The following LIFR variants were observed in gnomAD, a reference collection of about 807,000 sequenced individuals.
LIFR encodes leukemia inhibitory factor receptor.
Under a neutral mutation model 122.2 loss-of-function variants are expected in LIFR, and 84 were observed. That is an observed-to-expected ratio of 0.69 (90% CI 0.58 to 0.82). The LOEUF is 0.82. Ranked by LOEUF, LIFR falls within the 40% of genes least tolerant of loss-of-function variation. The probability of loss-of-function intolerance (pLI) is 0.00; values close to 1 mark genes in which losing one functional copy is unlikely to be tolerated. For synonymous variants in LIFR, 422 were observed against 434.7 expected (o/e 0.97, Z 0.36); for missense variants, 1,294 against 1,311.6 (o/e 0.99, Z 0.21).
intron 1 of LIFR, among the ~76,000 whole-genome samples, chr5:38,592,729 C>G (rs1463027070): frequency 6.7e-6 from 1 of 149,962 alleles, no homozygotes; most frequent in Non-Finnish European, 1.5e-5. Context: ...TTAGAAAAAA[C>G]TAATAGTTTA....
intron 1 of LIFR, among the ~76,000 whole-genome samples, chr5:38,538,542 T>C (rs542448618): frequency 3.7e-4 from 56 of 152,330 alleles, no homozygotes; most frequent in Middle Eastern, 3.4e-3. Flanking sequence ...CCTGCTCTCT[T>C]GTAGCCCCGT....
At chr5:38,603,469 G>T (rs909069887) in intron 2 of LIFR, among the ~76,000 whole-genome samples, 1 of 152,224 alleles carries the variant, frequency 6.6e-6, no homozygotes, top group African/African-American at 2.4e-5. Flanking sequence ...GCTCAGAGAA[G>T]TCTTTCAGCA....
chr5:38,528,545 A>G, intron 3 of LIFR, 181 bp downstream of exon 3: 1 of 637,010 alleles, frequency 1.6e-6, no homozygotes, highest in Non-Finnish European at 2.9e-6. Flanking sequence ...CCTTGCCATC[A>G]CACCTCATAA....
chr5:38,497,074 G>A (rs926232722), intron 12 of LIFR, among the ~76,000 whole-genome samples: 5 of 152,142 alleles, frequency 3.3e-5, no homozygotes, highest in Non-Finnish European at 7.3e-5. Flanking sequence ...GAGGCAGGCG[G>A]ATCATGAGGT....
intron 1 of LIFR, among the ~76,000 whole-genome samples, chr5:38,575,255 T>C (rs530910108): frequency 1.3e-5 from 2 of 152,318 alleles, no homozygotes; most frequent in South Asian, 4.1e-4. Context: ...AAGTCAGGAA[T>C]GGCAGCTACT....
At chr5:38,545,562 TA>T (rs1747835716) in intron 1 of LIFR, among the ~76,000 whole-genome samples, 1 of 151,836 alleles carries the variant, frequency 6.6e-6, no homozygotes, top group Non-Finnish European at 1.5e-5. Flanking sequence ...TACTTATGTT[TA>T]AAAAAATAAC....
At chr5:38,504,415 CAAAA>C (rs71604899) in intron 9 of LIFR, among the ~76,000 whole-genome samples, 1 of 120,484 alleles carries the variant, frequency 8.3e-6, no homozygotes, top group Non-Finnish European at 1.7e-5. Context: ...AGGGAATGAC[CAAAA>C]AAAAAAAAGA....
rs941178577 is a variant in LIFR at position 38,527,310 on chromosome 5, G to C, written c.258-16C>G. 30 of 1,500,506 alleles carry C rather than the reference G, an allele frequency of 2.0e-5. No individual in the cohort carries two copies. Among genetic ancestry groups the C allele is most frequent in the Non-Finnish European group, 2.6e-5 (28 of 1,081,442 alleles). The allele number at this position is 1,500,506 out of a possible 1,614,324, so 92.9% of individuals were successfully genotyped here. A position where few individuals can be genotyped will look rare whatever the true frequency, so the allele number is the denominator to read the frequency against. Reference sequence around the variant, plus strand: ...AGAACGGGACCTGTAATAAGAAATTGAATTTTAATTAGCAAATAAAATTAA... The same window carrying C: ...AGAACGGGACCTGTAATAAGAAATTCAATTTTAATTAGCAAATAAAATTAA... On this transcript the variant is annotated splice_polypyrimidine_tract_variant and intron_variant, in intron 3 of 19. Transcript: ENST00000453190.
At chr5:38,553,487 G>A (rs1404114018) in intron 1 of LIFR, among the ~76,000 whole-genome samples, 1 of 150,972 alleles carries the variant, frequency 6.6e-6, no homozygotes, top group Non-Finnish European at 1.5e-5. Flanking sequence ...AAAGTTGTCT[G>A]GAATATTAAC....
chr5:38,506,761 T>A, intron 7 of LIFR, 129 bp from the exon 8 acceptor site: 2 of 770,196 alleles, frequency 2.6e-6, no homozygotes, highest in Non-Finnish European at 4.3e-6. Flanking sequence ...ATTTTACTTT[T>A]GAATAATGCA....
At chr5:38,565,656 C>G (rs539713894) in intron 1 of LIFR, among the ~76,000 whole-genome samples, 1 of 150,520 alleles carries the variant, frequency 6.6e-6, no homozygotes, top group South Asian at 2.1e-4. Flanking sequence ...GGCGCAGTCT[C>G]GGCTCACTGC....
chr5:38,606,792 C>T (rs1280343897), intron 1 of LIFR, among the ~76,000 whole-genome samples: 1 of 152,044 alleles, frequency 6.6e-6, no homozygotes, highest in Non-Finnish European at 1.5e-5. Flanking sequence ...AGGACACTTT[C>T]TTTTTTTTCC....
At chr5:38,527,103 A>C (rs1412236037) in intron 4 of LIFR, 52 bp downstream of exon 4, 2 of 1,500,954 alleles carry the variant, frequency 1.3e-6, no homozygotes, top group Admixed American at 4.0e-5. Flanking sequence ...CCACAATACT[A>C]ACAAGTGACA....
At chr5:38,588,652 G>T (rs943056752) in intron 1 of LIFR, among the ~76,000 whole-genome samples, 6 of 152,106 alleles carry the variant, frequency 3.9e-5, no homozygotes, top group Admixed American at 6.5e-5. Flanking sequence ...AGGTATATTT[G>T]CTTAGGTCTT....
At chr5:38,510,849 G>A (rs779652509) in intron 6 of LIFR, 131 bp from the exon 7 acceptor site, 156 of 711,264 alleles carry the variant, frequency 2.2e-4, no homozygotes, top group Non-Finnish European at 3.4e-4. Context: ...AAACTGTTAG[G>A]TGCTTTGTAA....
intron 5 of LIFR, among the ~76,000 whole-genome samples, chr5:38,513,693 T>C (rs1348288676): frequency 6.6e-6 from 1 of 152,134 alleles, no homozygotes. Context: ...CATGTCAAAA[T>C]GAAATACCTA....
upstream of LIFR, among the ~76,000 whole-genome samples, chr5:38,561,335 G>A (rs148610316): frequency 6.1e-4 from 93 of 152,184 alleles, no homozygotes; most frequent in Middle Eastern, 3.4e-3. Flanking sequence ...TGGTTGTTTC[G>A]TTTTTGTTTT....
At chr5:38,542,716 A>G (rs1015737884) in intron 1 of LIFR, among the ~76,000 whole-genome samples, 1 of 152,090 alleles carries the variant, frequency 6.6e-6, no homozygotes, top group Non-Finnish European at 1.5e-5. Context: ...ATGTGTAAAC[A>G]TGTCAGGCTC....
chr5:38,553,945 TC>T (rs1426614114), intron 1 of LIFR, among the ~76,000 whole-genome samples: 1 of 151,848 alleles, frequency 6.6e-6, no homozygotes, highest in Non-Finnish European at 1.5e-5. Flanking sequence ...ATTAACCCCA[TC>T]ATAAACTGTA....
Sources: allele counts gnomAD v4.1 joint callset (sites outside exome capture counted in the v4.1 genomes callset), GRCh38; gene constraint gnomAD v4.1.1; transcripts MANE v1.5; gene names NCBI Gene and HGNC (gene_info 2026-07-23, HGNC 2026-07-21).